The following GAB1 variants were observed in gnomAD, a reference collection of about 807,000 sequenced individuals.
GAB1 encodes the protein GRB2-associated-binding protein 1.
A neutral mutation model predicts 66.5 loss-of-function variants in GAB1; 19 were observed. That is an observed-to-expected ratio of 0.29 (90% CI 0.20 to 0.42). GAB1 has a LOEUF of 0.42. GAB1 is among the 10% of genes least tolerant of loss of function. The pLI is 1.00. For missense variants in GAB1, 732 were observed against 858.5 expected, an observed-to-expected ratio of 0.85 and a Z score of 1.84; for synonymous variants, 294 against 301.4, an observed-to-expected ratio of 0.98 and a Z score of 0.25.
chr4:143,384,503 G>A (rs1271069146), intron 1 of GAB1, among the ~76,000 whole-genome samples: 1 of 152,206 alleles, frequency 6.6e-6, no homozygotes, highest in African/African-American at 2.4e-5. Flanking sequence ...TTTCCAGGCT[G>A]TACAGGACAG....
At chr4:143,431,969 T>A (rs1219456212) in intron 2 of GAB1, among the ~76,000 whole-genome samples, 1 of 152,038 alleles carries the variant, frequency 6.6e-6, no homozygotes, top group Admixed American at 6.5e-5. Flanking sequence ...GCTTTAAAGC[T>A]AACTCCTGAC....
chr4:143,402,245 T>G (rs1005269627), intron 1 of GAB1, among the ~76,000 whole-genome samples: 2 of 152,218 alleles, frequency 1.3e-5, no homozygotes, highest in African/African-American at 4.8e-5. Flanking sequence ...AATCTTAGTA[T>G]AACTGCCCTA....
At chr4:143,380,622 T>C (rs578181414) in intron 1 of GAB1, 36 of 152,356 alleles carry the variant, frequency 2.4e-4, no homozygotes, top group African/African-American at 8.4e-4. Flanking sequence ...AGTCTCACTG[T>C]GTTGCCCAGA....
In GAB1 at chr4:143,473,903, C is replaced by A. The variant is rs1272526070; in HGVS notation, c.*4714C>A. On this transcript the variant is annotated 3_prime_UTR_variant, in exon 10 of 10. Coordinates refer to ENST00000262994, the MANE Select transcript of GAB1 (RefSeq NM_002039.4). Reference sequence around the variant, plus strand: ...GCTATCTTCTTCAAGATTATTTTCTCATATGTCTGTCTGTCACCTTGTAAA... The same window carrying A: ...GCTATCTTCTTCAAGATTATTTTCTAATATGTCTGTCTGTCACCTTGTAAA... The A allele has an allele frequency of 6.6e-6, 1 of 152,182 alleles. No homozygotes were observed. The highest frequency in any genetic ancestry group is 1.5e-5 in the Non-Finnish European group (1 of 68,036). 9.4% of individuals were successfully genotyped at this position (152,182 alleles called of 1,614,324 possible).
At chr4:143,446,813 T>C (rs1734577798) in intron 6 of GAB1, among the ~76,000 whole-genome samples, 1 of 151,184 alleles carries the variant, frequency 6.6e-6, no homozygotes, top group African/African-American at 2.4e-5. Flanking sequence ...ATCCCATTTG[T>C]CAATTTTGGC....
At chr4:143,456,317 C>G (rs868222680) in intron 6 of GAB1, among the ~76,000 whole-genome samples, 1 of 152,076 alleles carries the variant, frequency 6.6e-6, no homozygotes, top group Non-Finnish European at 1.5e-5. Context: ...ATTAGCCAGG[C>G]GTGGTGGCGG....
chr4:143,349,802 C>T (rs960919968), intron 1 of GAB1: 59 of 1,586,998 alleles, frequency 3.7e-5, no homozygotes, highest in African/African-American at 2.4e-4. Flanking sequence ...GTGCGCTGGC[C>T]GGCACGGGTC....
At chr4:143,445,294 T>A (rs1363946398) in intron 6 of GAB1, among the ~76,000 whole-genome samples, 1 of 152,222 alleles carries the variant, frequency 6.6e-6, no homozygotes, top group East Asian at 1.9e-4. Context: ...TTTTGACTAG[T>A]GTGAGATGAT....
At chr4:143,374,874 C>T (rs752663161) in intron 1 of GAB1, among the ~76,000 whole-genome samples, 4 of 152,200 alleles carry the variant, frequency 2.6e-5, no homozygotes, top group Non-Finnish European at 5.9e-5. Flanking sequence ...TCCTTACTTA[C>T]CTCTGCTACA....
intron 2 of GAB1, among the ~76,000 whole-genome samples, chr4:143,418,220 A>C (rs1732800977): frequency 6.6e-6 from 1 of 152,244 alleles, no homozygotes; most frequent in Non-Finnish European, 1.5e-5. Flanking sequence ...CTAGTGATTA[A>C]AAACCTCAAG....
intron 8 of GAB1, among the ~76,000 whole-genome samples, chr4:143,465,531 A>G (rs1735736212): frequency 6.6e-6 from 1 of 152,166 alleles, no homozygotes; most frequent in South Asian, 2.1e-4. Flanking sequence ...CTGCATGTTT[A>G]GCAGCTTCTT....
intron 6 of GAB1, among the ~76,000 whole-genome samples, chr4:143,444,319 A>G (rs1222696978): frequency 1.3e-5 from 2 of 152,132 alleles, no homozygotes; most frequent in African/African-American, 2.4e-5. Flanking sequence ...GGCCTTGTCC[A>G]TTCACGCCTT....
chr4:143,383,702 A>T (rs1364910219), intron 1 of GAB1, among the ~76,000 whole-genome samples: 1 of 152,128 alleles, frequency 6.6e-6, no homozygotes, highest in Non-Finnish European at 1.5e-5. Context: ...CACATCCCCA[A>T]ATATTTTTGA....
At chr4:143,422,166 T>C (rs1283015555) in intron 2 of GAB1, among the ~76,000 whole-genome samples, 1 of 152,208 alleles carries the variant, frequency 6.6e-6, no homozygotes, top group Non-Finnish European at 1.5e-5. Context: ...TGCATACTCT[T>C]TGTAGACCCT....
intron 6 of GAB1, among the ~76,000 whole-genome samples, chr4:143,444,490 TC>T (rs1235111717): frequency 2.0e-5 from 3 of 152,228 alleles, no homozygotes; most frequent in African/African-American, 4.8e-5. Context: ...CCTGAGAGTT[TC>T]CCTGGGTGAC....
chr4:143,356,830 G>C (rs1363676458), intron 1 of GAB1, among the ~76,000 whole-genome samples: 1 of 152,128 alleles, frequency 6.6e-6, no homozygotes, highest in Non-Finnish European at 1.5e-5. Flanking sequence ...GCAGAGATTT[G>C]AGCTTGTAAA....
chr4:143,373,542 C>T (rs558362638), intron 1 of GAB1, among the ~76,000 whole-genome samples: 28 of 152,056 alleles, frequency 1.8e-4, no homozygotes, highest in Non-Finnish European at 3.4e-4. Context: ...AAAAAACATA[C>T]TAGAAGCCAG....
chr4:143,462,235 T>C (rs1399832365), intron 8 of GAB1, among the ~76,000 whole-genome samples: 1 of 152,208 alleles, frequency 6.6e-6, no homozygotes, highest in Non-Finnish European at 1.5e-5. Context: ...GGAGTTCTAT[T>C]ATTATTATTT....
chr4:143,387,778 G>A (rs1190995287), intron 1 of GAB1, among the ~76,000 whole-genome samples: 2 of 152,056 alleles, frequency 1.3e-5, no homozygotes. Context: ...AGGAGTCCCT[G>A]TTACCTACTC....
Sources: allele counts gnomAD v4.1 joint callset (sites outside exome capture counted in the v4.1 genomes callset), GRCh38; gene constraint gnomAD v4.1.1; transcripts MANE v1.5; gene names NCBI Gene and HGNC (gene_info 2026-07-23, HGNC 2026-07-21).